The following HDAC9 variants were observed in gnomAD, a reference collection of about 807,000 sequenced individuals.
HDAC9 encodes histone deacetylase 9, also known as MEF-2 interacting transcription repressor (MITR) protein.
In HDAC9, 41 loss-of-function variants were observed where a neutral mutation model predicts 139.4. The observed-to-expected ratio is 0.29, with a 90% CI of 0.23 to 0.38. The LOEUF is 0.38. HDAC9 is among the 10% of genes least tolerant of loss of function. The probability of loss-of-function intolerance (pLI) is 1.00; values close to 1 mark genes in which losing one functional copy is unlikely to be tolerated. For missense variants in HDAC9, 1,147 were observed against 1,297.0 expected, an observed-to-expected ratio of 0.88 and a Z score of 1.78; for synonymous variants, 517 against 476.2, an observed-to-expected ratio of 1.09 and a Z score of -1.12.
chr7:18,410,076 G>A (rs948189404), intron 1 of HDAC9, among the ~76,000 whole-genome samples: 1 of 151,782 alleles, frequency 6.6e-6, no homozygotes, highest in Admixed American at 6.6e-5. Context: ...TCTTAATATA[G>A]CACTTTTGGA....
rs987642224 is a variant in HDAC9 at position 18,162,496 on chromosome 7, A to G, written c.25+147A>G. ...TAATGTAACAAATTTTGAATTTTGC[A>G]TTCGATAGCTAATTCTCTATTGCTT... On this transcript the variant is annotated intron_variant, in intron 2 of 12. Coordinates refer to the HDAC9 transcript ENST00000417496. 9 of 680,316 alleles carry G rather than the reference A, an allele frequency of 1.3e-5. No homozygotes were observed. In the Admixed American group the frequency reaches 1.9e-4, roughly 14 times the overall value. 42.1% of individuals were successfully genotyped at this position (680,316 alleles called of 1,614,324 possible).
At chr7:18,762,390 C>A in intron 15 of HDAC9, 113 bp downstream of exon 15, 1 of 1,213,126 alleles carries the variant, frequency 8.2e-7, no homozygotes, top group Non-Finnish European at 1.2e-6. Context: ...ATCAGTTTTT[C>A]CAACAGCTTT....
chr7:18,885,543 CAG>C (rs1486000705), intron 22 of HDAC9, among the ~76,000 whole-genome samples: 1 of 152,034 alleles, frequency 6.6e-6, no homozygotes, highest in Non-Finnish European at 1.5e-5. Context: ...TTAAAAGTAA[CAG>C]AAAAATTAAG....
intron 1 of HDAC9, among the ~76,000 whole-genome samples, chr7:18,399,901 A>G (rs1459718307): frequency 2.0e-5 from 3 of 152,154 alleles, no homozygotes; most frequent in African/African-American, 7.2e-5. Flanking sequence ...TTAGTTTTTC[A>G]GGCTGGGGAA....
At chr7:18,281,425 C>T (rs1186148030) in intron 2 of HDAC9, among the ~76,000 whole-genome samples, 1 of 152,130 alleles carries the variant, frequency 6.6e-6, no homozygotes, top group Non-Finnish European at 1.5e-5. Context: ...ACAAAGGATT[C>T]CGTAACTTCT....
intron 1 of HDAC9, among the ~76,000 whole-genome samples, chr7:18,359,794 A>T (rs567203817): frequency 6.6e-6 from 1 of 152,258 alleles, no homozygotes; most frequent in South Asian, 2.1e-4. Flanking sequence ...TTTTTAGTAG[A>T]GACAGGGTTT....
At chr7:18,106,681 T>A (rs1783228271) in intron 1 of HDAC9, among the ~76,000 whole-genome samples, 1 of 152,190 alleles carries the variant, frequency 6.6e-6, no homozygotes, top group Non-Finnish European at 1.5e-5. Context: ...CTTGAACTCC[T>A]AACCTCAAAT....
chr7:18,340,578 AAT>A (rs1379153885), intron 1 of HDAC9, among the ~76,000 whole-genome samples: 1 of 151,510 alleles, frequency 6.6e-6, no homozygotes, highest in Non-Finnish European at 1.5e-5. Flanking sequence ...TACATCTTTA[AAT>A]TGTAATCTAT....
chr7:18,245,041 T>C (rs1416121477), intron 2 of HDAC9, among the ~76,000 whole-genome samples: 2 of 58,132 alleles, frequency 3.4e-5, no homozygotes, highest in Non-Finnish European at 7.7e-5. Flanking sequence ...ATTCCAAGCT[T>C]ATTCAGTTCT....
At chr7:18,206,909 A>G (rs1791551248) in intron 2 of HDAC9, among the ~76,000 whole-genome samples, 1 of 150,548 alleles carries the variant, frequency 6.6e-6, no homozygotes, top group South Asian at 2.1e-4. Flanking sequence ...CTCATTCAAA[A>G]AATGATTCGA....
intron 23 of HDAC9, among the ~76,000 whole-genome samples, chr7:18,944,938 A>G (rs930170328): frequency 6.6e-5 from 10 of 152,292 alleles, no homozygotes; most frequent in South Asian, 6.2e-4. Flanking sequence ...GTTTATTTAC[A>G]TATTCTGCTT....
intron 16 of HDAC9, among the ~76,000 whole-genome samples, chr7:18,776,244 A>G (rs1443409236): frequency 1.3e-5 from 2 of 151,968 alleles, no homozygotes. Flanking sequence ...TGCCTGGCAA[A>G]TTCTCATTCC....
intron 16 of HDAC9, among the ~76,000 whole-genome samples, chr7:18,774,208 G>A (rs960430926): frequency 1.3e-5 from 2 of 151,864 alleles, no homozygotes; most frequent in African/African-American, 2.4e-5. Flanking sequence ...AAATGACTAA[G>A]CAATGATTCT....
Position 18,178,595 on chromosome 7 carries a change from A to G in HDAC9, c.25+16246A>G, listed in dbSNP as rs534111820. Among the ~76,000 whole-genome samples, 166 of 152,360 alleles carry G rather than the reference A, an allele frequency of 1.1e-3. 1 individual carries two copies. Among genetic ancestry groups the G allele is most frequent in the Admixed American group, 4.1e-3 (62 of 15,308 alleles). On this transcript the variant is annotated intron_variant, in intron 2 of 12. Coordinates refer to the HDAC9 transcript ENST00000417496. ...TGAACTTCTCCCTGTTTCAATGCTT[A>G]TAAACCACCTCTCTCCCAAAACAAA...
At chr7:18,743,990 T>G (rs1187370205) in intron 13 of HDAC9, among the ~76,000 whole-genome samples, 1 of 151,592 alleles carries the variant, frequency 6.6e-6, no homozygotes, top group Non-Finnish European at 1.5e-5. Context: ...TGTCATATTT[T>G]TACATCTCAC....
At chr7:18,121,396 T>G (rs1784358181) in intron 1 of HDAC9, among the ~76,000 whole-genome samples, 1 of 152,188 alleles carries the variant, frequency 6.6e-6, no homozygotes, top group Admixed American at 6.5e-5. Context: ...CAGCTTTAGC[T>G]GCTTTGTGTG....
At chr7:18,477,399 G>A (rs572207766) in intron 1 of HDAC9, among the ~76,000 whole-genome samples, 17 of 152,096 alleles carry the variant, frequency 1.1e-4, no homozygotes, top group Non-Finnish European at 2.2e-4. Flanking sequence ...GTGTGCGTGC[G>A]TGCGTGCATG....
At chr7:18,296,018 A>T (rs1798122194) in intron 1 of HDAC9, among the ~76,000 whole-genome samples, 1 of 152,116 alleles carries the variant, frequency 6.6e-6, no homozygotes, top group Non-Finnish European at 1.5e-5. Context: ...AGAGTGGGAG[A>T]TCCTTTACTG....
At chr7:18,779,451 G>T (rs1475027076) in intron 16 of HDAC9, among the ~76,000 whole-genome samples, 1 of 152,008 alleles carries the variant, frequency 6.6e-6, no homozygotes, top group Non-Finnish European at 1.5e-5. Flanking sequence ...CCCACAGGAG[G>T]AGAAAAGGGA....
Sources: allele counts gnomAD v4.1 joint callset (sites outside exome capture counted in the v4.1 genomes callset), GRCh38; gene constraint gnomAD v4.1.1; transcripts MANE v1.5; gene names NCBI Gene and HGNC (gene_info 2026-07-23, HGNC 2026-07-21).